The following RPS6KA2 variants were observed in gnomAD, a reference collection of about 807,000 sequenced individuals.
The protein encoded by RPS6KA2 is ribosomal protein S6 kinase A2, also known as ribosomal protein S6 kinase alpha-2.
A neutral mutation model predicts 91.8 loss-of-function variants in RPS6KA2; 42 were observed. That is an observed-to-expected ratio of 0.46 (90% confidence interval 0.36 to 0.59). RPS6KA2 has a LOEUF of 0.59. Ranked by LOEUF, RPS6KA2 falls within the 20% of genes least tolerant of loss-of-function variation. The pLI, the probability that RPS6KA2 is intolerant of heterozygous loss-of-function variation, is 0.00. For missense variants in RPS6KA2, 798 were observed against 978.5 expected, an observed-to-expected ratio of 0.82 and a Z score of 2.46; for synonymous variants, 414 against 393.6, an observed-to-expected ratio of 1.05 and a Z score of -0.61.
Position 166,852,296 on chromosome 6 carries a change from A to G in RPS6KA2, c.123+5904T>C, listed in dbSNP as rs550767943. Among the ~76,000 whole-genome samples the G allele has an allele frequency of 6.6e-5, 10 of 152,170 alleles. No homozygotes were observed. The highest frequency in any genetic ancestry group is 1.3e-4 in the Non-Finnish European group (9 of 68,028). On this transcript the variant is annotated intron_variant, in intron 2 of 21. Transcript: ENST00000503859. The surrounding 1 kb of genome is among the most constrained non-coding windows in gnomAD (Gnocchi z 4.1). ...TAAGCAGGGCCTGGAAGATTGTTTT[A>G]TCAATCTTCTTTCAAATCTACTAGT...
chr6:166,615,271 C>T (rs873071), intron 1 of RPS6KA2, among the ~76,000 whole-genome samples: 20,357 of 152,218 alleles, frequency 0.13, 1,431 homozygotes, highest in Non-Finnish European at 0.17. Context: ...GCGACTCCCG[C>T]ACCACACACC....
At chr6:166,441,824 G>A (rs932856213) in intron 14 of RPS6KA2, among the ~76,000 whole-genome samples, 3 of 152,248 alleles carry the variant, frequency 2.0e-5, no homozygotes, top group Admixed American at 6.5e-5. Flanking sequence ...CTACATGAAC[G>A]CAGACCATCC....
intron 2 of RPS6KA2, among the ~76,000 whole-genome samples, chr6:166,638,215 G>T (rs1250811290): frequency 2.0e-5 from 3 of 152,240 alleles, no homozygotes; most frequent in Non-Finnish European, 2.9e-5. Context: ...CAGCTCCAAG[G>T]AGCGCAAGCT....
Position 166,627,056 on chromosome 6 carries a change from G to C in RPS6KA2, c.-37C>G. 2.9e-6 allele frequency: 4 copies of C among 1,358,720 alleles called. No individual in the cohort carries two copies. Among genetic ancestry groups the C allele is most frequent in the Non-Finnish European group, 2.9e-6 (3 of 1,040,336 alleles). 84.2% of individuals were successfully genotyped at this position (1,358,720 alleles called of 1,614,324 possible). A position where few individuals can be genotyped will look rare whatever the true frequency, so the allele number is the denominator to read the frequency against. On this transcript the variant is annotated 5_prime_UTR_variant, in exon 1 of 21. Coordinates refer to ENST00000265678, the MANE Select transcript of RPS6KA2 (RefSeq NM_021135.6). ...CAGCCCGGAGCAGCCGCAGGGCCGGGGGACGCGCATCCCCGGCATCCCAGG... is the reference window on the plus strand; with the variant it reads ...CAGCCCGGAGCAGCCGCAGGGCCGGCGGACGCGCATCCCCGGCATCCCAGG...
intron 2 of RPS6KA2, among the ~76,000 whole-genome samples, chr6:166,752,303 C>G (rs1777875050): frequency 6.6e-6 from 1 of 152,122 alleles, no homozygotes. Flanking sequence ...TGAAGCGCGT[C>G]CACAGTCACC....
chr6:166,625,332 C>G (rs1166909155), intron 1 of RPS6KA2, among the ~76,000 whole-genome samples: 1 of 18,782 alleles, frequency 5.3e-5, no homozygotes. Context: ...CACCCCCCCA[C>G]CCCCCCCCCC....
At position 166,641,877 on chromosome 6, in the gene RPS6KA2, G is replaced by T. The variant is rs924174550; in HGVS notation, c.124-103093C>A. ...GACAGAAATACAGGAAATATGAAAG[G>T]GGGGTTAGGAAATATGGAAGATAGA... On this transcript the variant is annotated intron_variant, in intron 2 of 21. Coordinates refer to the RPS6KA2 transcript ENST00000503859. 2.0e-5 allele frequency among the ~76,000 whole-genome samples: 3 copies of T among 151,716 alleles called. No homozygotes were observed. The Middle Eastern group carries it at 0.01, about 516-fold the overall frequency.
At chr6:166,598,697 C>G (rs941560007) in intron 1 of RPS6KA2, among the ~76,000 whole-genome samples, 5 of 152,204 alleles carry the variant, frequency 3.3e-5, no homozygotes, top group Admixed American at 2.6e-4. Flanking sequence ...GAATAGGAAG[C>G]CTGTTTTCTC....
chr6:166,608,198 T>G (rs1223425883), intron 1 of RPS6KA2, among the ~76,000 whole-genome samples: 1 of 152,156 alleles, frequency 6.6e-6, no homozygotes, highest in Non-Finnish European at 1.5e-5. Flanking sequence ...GATAAGTAAT[T>G]TCCTCAGGAT....
At chr6:166,861,115 G>C (rs1220288091) in intron 1 of RPS6KA2, among the ~76,000 whole-genome samples, 3 of 152,206 alleles carry the variant, frequency 2.0e-5, no homozygotes, top group Non-Finnish European at 4.4e-5. Context: ...TCAATATGAA[G>C]CATTCAGTAA....
intron 1 of RPS6KA2, among the ~76,000 whole-genome samples, chr6:166,592,268 G>C (rs1441876011): frequency 2.0e-5 from 3 of 152,198 alleles, no homozygotes; most frequent in African/African-American, 7.2e-5. Flanking sequence ...CCTGCTGAGA[G>C]CTTCTGATGG....
chr6:166,831,051 C>T (rs1780171340), intron 2 of RPS6KA2, among the ~76,000 whole-genome samples: 1 of 152,150 alleles, frequency 6.6e-6, no homozygotes, highest in African/African-American at 2.4e-5. Context: ...CCAACCACAC[C>T]TCTGAGGGCC....
In RPS6KA2 at chr6:166,499,597, GCT is replaced by G. The variant is rs1349714891; in HGVS notation, c.605-949_605-948del. Reference sequence around the variant, plus strand: ...TATACAGGGCAGTTCTCCTGCACATGCTCTCTCTTTGCCTGCTGCCATGTAAG... The same window carrying G: ...TATACAGGGCAGTTCTCCTGCACATGCTCTCTTTGCCTGCTGCCATGTAAG... On this transcript the variant is annotated intron_variant, in intron 7 of 20. Coordinates refer to ENST00000265678, the MANE Select transcript of RPS6KA2 (RefSeq NM_021135.6). Among the ~76,000 whole-genome samples, 4 of 152,308 alleles carry G rather than the reference GCT, an allele frequency of 2.6e-5. No individual in the cohort carries two copies. In the South Asian group the frequency reaches 6.2e-4, roughly 24 times the overall value.
At chr6:166,576,267 G>A (rs1222310628) in intron 1 of RPS6KA2, among the ~76,000 whole-genome samples, 1 of 152,174 alleles carries the variant, frequency 6.6e-6, no homozygotes, top group Admixed American at 6.5e-5. Context: ...CAGTAAATTG[G>A]TACCAGTAGA....
At chr6:166,832,542 T>G (rs1382522631) in intron 2 of RPS6KA2, among the ~76,000 whole-genome samples, 1 of 152,222 alleles carries the variant, frequency 6.6e-6, no homozygotes, top group Non-Finnish European at 1.5e-5. Flanking sequence ...TGTTGGTGTT[T>G]TCTCTATGGT....
At chr6:166,716,229 A>G (rs1469615048) in intron 2 of RPS6KA2, among the ~76,000 whole-genome samples, 1 of 152,186 alleles carries the variant, frequency 6.6e-6, no homozygotes, top group African/African-American at 2.4e-5. Flanking sequence ...CAAAACCGTC[A>G]CCAAGCCTCT....
At position 166,500,448 on chromosome 6, in the gene RPS6KA2, A is replaced by G. The variant is rs1781985674; in HGVS notation, c.604+439T>C. ...TCCAGGGAGTGAGAAGGAGGCAGGG[A>G]CAGCATCAGTGAGGGCAGCAGTGCA... On this transcript the variant is annotated intron_variant, in intron 7 of 20. Coordinates refer to ENST00000265678, the MANE Select transcript of RPS6KA2 (RefSeq NM_021135.6). This position sits in a 1 kb window ranked among gnomAD's most constrained non-coding sequence, Gnocchi z 4.3. 6.6e-6 allele frequency among the ~76,000 whole-genome samples: 1 copy of G among 152,210 alleles called. No individual in the cohort carries two copies. Among genetic ancestry groups the G allele is most frequent in the Non-Finnish European group, 1.5e-5 (1 of 68,036 alleles).
At chr6:166,691,321 C>T (rs1188251398) in intron 2 of RPS6KA2, among the ~76,000 whole-genome samples, 1 of 152,138 alleles carries the variant, frequency 6.6e-6, no homozygotes, top group Admixed American at 6.5e-5. Flanking sequence ...CTCACTCATG[C>T]TATAACAACC....
intron 1 of RPS6KA2, among the ~76,000 whole-genome samples, chr6:166,550,768 C>G (rs571333491): frequency 5.3e-5 from 8 of 151,942 alleles, no homozygotes; most frequent in Non-Finnish European, 7.4e-5. Context: ...TTTGGGAGGC[C>G]AAGGCGGTCA....
Sources: gnomAD v4.1 joint callset for allele counts (sites outside exome capture counted in the v4.1 genomes callset) on GRCh38, gnomAD v4.1.1 for gene constraint, Gnocchi (gnomAD v3.1) non-coding constraint, MANE v1.5 for transcripts, NCBI Gene and HGNC (gene_info 2026-07-23, HGNC 2026-07-21) for gene names.